Variants in DNMBP observed in about 807,000 individuals in gnomAD.
DNMBP encodes dynamin-binding protein.
Under a neutral mutation model 150.0 loss-of-function variants are expected in DNMBP, and 87 were observed. The observed-to-expected ratio is 0.58, with a 90% CI of 0.49 to 0.69. The LOEUF (loss-of-function observed/expected upper bound fraction) is 0.69, where lower values mean the gene tolerates loss of function less well. Among genes scored for constraint, DNMBP ranks in the 30% least tolerant of loss-of-function variants. The pLI is 0.00. For missense variants in DNMBP, 1,774 were observed against 1,949.0 expected (o/e 0.91, Z 1.69); for synonymous variants, 711 against 750.4 (o/e 0.95, Z 0.86).
At chr10:99,936,623 C>T (rs2040235201) in intron 4 of DNMBP, among the ~76,000 whole-genome samples, 1 of 151,532 alleles carries the variant, frequency 6.6e-6, no homozygotes, top group Non-Finnish European at 1.5e-5. Context: ...TTCTATTTTC[C>T]CTCACAACTT....
At chr10:99,967,146 C>T (rs1358101253) in intron 3 of DNMBP, among the ~76,000 whole-genome samples, 6 of 152,024 alleles carry the variant, frequency 3.9e-5, no homozygotes, top group African/African-American at 1.4e-4. Flanking sequence ...GGTCTGTAAT[C>T]CCAGCTACTC....
intron 3 of DNMBP, among the ~76,000 whole-genome samples, chr10:99,962,299 C>G (rs1272415439): frequency 6.6e-6 from 1 of 152,160 alleles, no homozygotes; most frequent in Non-Finnish European, 1.5e-5. Context: ...ATTCCTTTAA[C>G]TTATGATTCC....
At chr10:99,915,405 A>T (rs1480071835) in intron 4 of DNMBP, among the ~76,000 whole-genome samples, 7 of 46,496 alleles carry the variant, frequency 1.5e-4, no homozygotes, top group South Asian at 6.7e-4. Flanking sequence ...CAAAATAATT[A>T]AAAAAAAAAA....
chr10:100,006,181 G>A (rs185246036), intron 1 of DNMBP, among the ~76,000 whole-genome samples: 7 of 152,282 alleles, frequency 4.6e-5, no homozygotes, highest in African/African-American at 1.7e-4. Flanking sequence ...GAATATTTAC[G>A]AAACAGTGTT....
intron 1 of DNMBP, among the ~76,000 whole-genome samples, chr10:99,997,101 A>G (rs2040958906): frequency 6.6e-6 from 1 of 152,230 alleles, no homozygotes; most frequent in Non-Finnish European, 1.5e-5. Flanking sequence ...ATGTAAACTC[A>G]TCCTCCTCTT....
At chr10:99,990,610 TA>T (rs34272087) in intron 1 of DNMBP, among the ~76,000 whole-genome samples, 37,597 of 104,092 alleles carry the variant, frequency 0.36, 5,164 homozygotes, top group Non-Finnish European at 0.42. Flanking sequence ...AATTAATGAA[TA>T]AAAAAAAAAA....
At chr10:99,970,971 CA>C (rs532226561) in intron 2 of DNMBP, among the ~76,000 whole-genome samples, 426 of 33,148 alleles carry the variant, frequency 0.013, 4 homozygotes, top group African/African-American at 0.03. Context: ...GACTCCGTCT[CA>C]AAAAAAAAAA....
intron 4 of DNMBP, chr10:99,930,389 A>T (rs1357857800): frequency 1.4e-6 from 1 of 702,848 alleles, no homozygotes; most frequent in East Asian, 2.7e-5. Flanking sequence ...TCGAGGTCAC[A>T]TCTGGGCTTC....
chr10:99,930,420 G>C lies in DNMBP; in HGVS notation c.2261-21274C>G, dbSNP rs896798144. On this transcript the variant is annotated intron_variant, in intron 4 of 16. Coordinates refer to ENST00000324109, the MANE Select transcript of DNMBP (RefSeq NM_015221.4). ...GCTTCTCGTAGGTGAATTATCCTTCGTCCCAGGGCTGAGACTCTCATAATC... is the reference window on the plus strand; with the variant it reads ...GCTTCTCGTAGGTGAATTATCCTTCCTCCCAGGGCTGAGACTCTCATAATC... The C allele has an allele frequency of 5.7e-6, 4 of 702,846 alleles. No individual in the cohort carries two copies. The Admixed American group carries it at 8.0e-5, about 14-fold the overall frequency. 43.5% of individuals were successfully genotyped at this position (702,846 alleles called of 1,614,324 possible). A position where few individuals can be genotyped will look rare whatever the true frequency, so the allele number is the denominator to read the frequency against.
In DNMBP at chr10:99,976,426, T is replaced by C. The variant is rs1589446663; in HGVS notation, c.-10-4292A>G. Among the ~76,000 whole-genome samples the C allele has an allele frequency of 2.6e-5, 4 of 152,234 alleles. No homozygotes were observed. In the East Asian group the frequency reaches 7.7e-4, roughly 29 times the overall value. Reference sequence around the variant, plus strand: ...TACTGTATTAAGCTGTGATACACAATACCAGCACTGTCTATCTTTTAGGCC... The same window carrying C: ...TACTGTATTAAGCTGTGATACACAACACCAGCACTGTCTATCTTTTAGGCC... On this transcript the variant is annotated intron_variant, in intron 1 of 16. Coordinates refer to ENST00000324109, the MANE Select transcript of DNMBP (RefSeq NM_015221.4).
At chr10:99,930,359 C>G in intron 4 of DNMBP, 2 of 702,996 alleles carry the variant, frequency 2.8e-6, no homozygotes. Flanking sequence ...AGCCATTTGC[C>G]TCCCCGTATC....
At chr10:99,988,390 C>T (rs2040850896) in intron 1 of DNMBP, among the ~76,000 whole-genome samples, 1 of 152,042 alleles carries the variant, frequency 6.6e-6, no homozygotes, top group Non-Finnish European at 1.5e-5. Flanking sequence ...CGTGCCTGGC[C>T]CACTGGGTAC....
chr10:99,935,727 G>C (rs2040222829), intron 4 of DNMBP, among the ~76,000 whole-genome samples: 1 of 152,092 alleles, frequency 6.6e-6, no homozygotes, highest in Non-Finnish European at 1.5e-5. Flanking sequence ...CTGCCGCCCG[G>C]CTAATTTTGT....
In DNMBP at chr10:99,972,148, T is replaced by A. The variant is rs773216298; in HGVS notation, c.-10-14A>T. The A allele has an allele frequency of 6.3e-7, 1 of 1,597,168 alleles. No individual in the cohort carries two copies. The highest frequency in any genetic ancestry group is 1.4e-5 in the African/African-American group (1 of 73,628). ...ATGTTTTATAACCTGGAAAGATAGATCAAGAGAAATAGAAAACATCAATAT... is the reference window on the plus strand; with the variant it reads ...ATGTTTTATAACCTGGAAAGATAGAACAAGAGAAATAGAAAACATCAATAT... On this transcript the variant is annotated splice_polypyrimidine_tract_variant and intron_variant, in intron 1 of 16. Transcript: ENST00000324109.
chr10:99,887,082 A>AG (rs1405136638), intron 12 of DNMBP, among the ~76,000 whole-genome samples: 7 of 150,076 alleles, frequency 4.7e-5, no homozygotes, highest in African/African-American at 1.5e-4. Context: ...AATCATAACT[A>AG]GGTAATACCC....
At position 99,898,215 on chromosome 10, in the gene DNMBP, G is replaced by T. The variant is rs777249738; in HGVS notation, c.2791C>A (p.Leu931Met). Residue 931 changes from leucine (L) to methionine (M), a missense_variant, in exon 9 of 17, where the codon CTG (leucine) becomes ATG (methionine). Physicochemically the swap from Leu to Met is conservative, Grantham distance 15. Coordinates refer to ENST00000324109, the MANE Select transcript of DNMBP (RefSeq NM_015221.4). The stretch of plus-strand genomic sequence containing the variant: ...GAATTCAGCAACTCCATTAGCAACA[G>T]CGGGTAACGCATTACTCTCTGTACT... ...KPVQRVMRYP[L>M]LLMELLNSTP... The T allele has an allele frequency of 5.0e-6, 8 of 1,614,060 alleles. No individual in the cohort carries two copies. Among genetic ancestry groups the T allele is most frequent in the Non-Finnish European group, 6.8e-6 (8 of 1,179,966 alleles).
Position 99,888,936 on chromosome 10 carries a change from T to C in DNMBP, c.3174A>G (p.Lys1058=). The C allele has an allele frequency of 6.2e-7, 1 of 1,614,168 alleles. No individual in the cohort carries two copies. Among genetic ancestry groups the C allele is most frequent in the Non-Finnish European group, 8.5e-7 (1 of 1,180,016 alleles). ...LQHIRESACV[K]VVAAVSMWDV... is the part of the protein sequence containing the mutation. ...CCCACATGCTCACAGCAGCCACCAC[T>C]TTCACACATGCGGACTCCTGGAGCC... The change falls in exon 12 of 17, where the codon AAA becomes AAG. Residue 1058 remains lysine, a synonymous_variant. Transcript: ENST00000324109.
At chr10:99,904,704 C>CTG (rs1491041481) in intron 6 of DNMBP, among the ~76,000 whole-genome samples, 3 of 151,308 alleles carry the variant, frequency 2.0e-5, no homozygotes, top group Non-Finnish European at 4.4e-5. Context: ...TCTGCCACCT[C>CTG]TGTGTGTCTT....
intron 4 of DNMBP, among the ~76,000 whole-genome samples, chr10:99,911,506 A>G (rs996346131): frequency 6.6e-6 from 1 of 152,208 alleles, no homozygotes; most frequent in African/African-American, 2.4e-5. Context: ...ATGTTCATAC[A>G]AAATACACAC....
Sources: gnomAD v4.1 joint callset for allele counts (sites outside exome capture counted in the v4.1 genomes callset) on GRCh38, gnomAD v4.1.1 for gene constraint, MANE v1.5 for transcripts, NCBI Gene and HGNC (gene_info 2026-07-23, HGNC 2026-07-21) for gene names.